The following PELI2 variants were observed in gnomAD, a reference collection of about 807,000 sequenced individuals.
PELI2 encodes pellino E3 ubiquitin protein ligase family member 2.
PELI2 carries 23 observed loss-of-function variants against 42.3 expected under a neutral mutation model. That is an observed-to-expected ratio of 0.54 (90% CI 0.39 to 0.77). PELI2 has a LOEUF of 0.77. PELI2 is among the 30% of genes least tolerant of loss of function. PELI2 has a pLI of 0.00. For missense variants in PELI2, 463 were observed against 553.2 expected (o/e 0.84, Z 1.64); for synonymous variants, 245 against 212.2 (o/e 1.15, Z -1.34).
chr14:56,134,988 A>C (rs990316933), intron 1 of PELI2, among the ~76,000 whole-genome samples: 1 of 152,218 alleles, frequency 6.6e-6, no homozygotes, highest in Non-Finnish European at 1.5e-5. Context: ...CTAAAATTCA[A>C]CTTACTGATA....
At chr14:56,175,287 T>A (rs1885331747) in intron 1 of PELI2, among the ~76,000 whole-genome samples, 1 of 152,212 alleles carries the variant, frequency 6.6e-6, no homozygotes. Flanking sequence ...TGAGCCAACG[T>A]GCCTGGCCAA....
intron 1 of PELI2, among the ~76,000 whole-genome samples, chr14:56,154,724 A>G (rs1332988011): frequency 6.7e-6 from 1 of 150,034 alleles, no homozygotes; most frequent in Non-Finnish European, 1.5e-5. Context: ...ATCTTTGTAC[A>G]TAAAACTTGA....
chr14:56,148,789 A>T (rs747303105), intron 1 of PELI2, among the ~76,000 whole-genome samples: 20 of 152,124 alleles, frequency 1.3e-4, no homozygotes, highest in African/African-American at 1.9e-4. Flanking sequence ...GGTAGCAGGG[A>T]CTTTTCTTAC....
intron 2 of PELI2, among the ~76,000 whole-genome samples, chr14:56,278,472 A>T (rs1447370169): frequency 1.3e-5 from 2 of 152,204 alleles, no homozygotes; most frequent in African/African-American, 4.8e-5. Context: ...ATTTAAGACG[A>T]TGTCTGTTAG....
chr14:56,226,054 A>G (rs1667186150), intron 2 of PELI2, among the ~76,000 whole-genome samples: 1 of 149,832 alleles, frequency 6.7e-6, no homozygotes, highest in Admixed American at 6.8e-5. Flanking sequence ...TTGCCAAAGG[A>G]AGACCCAGCA....
intron 1 of PELI2, among the ~76,000 whole-genome samples, chr14:56,160,010 TG>T (rs1884700918): frequency 6.6e-6 from 1 of 151,908 alleles, no homozygotes; most frequent in South Asian, 2.1e-4. Flanking sequence ...ACAGTTTCTT[TG>T]TTTTTTTTTT....
At chr14:56,147,454 A>G (rs1197904755) in intron 1 of PELI2, among the ~76,000 whole-genome samples, 1 of 152,214 alleles carries the variant, frequency 6.6e-6, no homozygotes, top group African/African-American at 2.4e-5. Flanking sequence ...GGGAATGAGA[A>G]GATATGAAAA....
At chr14:56,253,257 CA>C (rs751754665) in intron 2 of PELI2, among the ~76,000 whole-genome samples, 8 of 152,138 alleles carry the variant, frequency 5.3e-5, no homozygotes, top group Non-Finnish European at 1.0e-4. Flanking sequence ...CTGAATGGGC[CA>C]AAGCTGGAAG....
At chr14:56,279,593 G>A (rs908883882) in intron 2 of PELI2, 83 bp from the exon 3 acceptor site, 71 of 728,700 alleles carry the variant, frequency 9.7e-5, no homozygotes, top group Non-Finnish European at 3.0e-5. Context: ...TTTGCCAGTA[G>A]AGTGGTGGCT....
intron 2 of PELI2, among the ~76,000 whole-genome samples, chr14:56,199,542 GC>G (rs1172833529): frequency 6.6e-6 from 1 of 152,156 alleles, no homozygotes; most frequent in Non-Finnish European, 1.5e-5. Context: ...TCTACCCAGT[GC>G]TTCATGGTTC....
chr14:56,211,102 A>G lies in PELI2; in HGVS notation c.207+32638A>G, dbSNP rs3783664. Reference sequence around the variant, plus strand: ...CCCACCGGTGGTACTTTGTCTTGCTACGCTGTCAACTGAGAAGTGCCCATA... The same window carrying G: ...CCCACCGGTGGTACTTTGTCTTGCTGCGCTGTCAACTGAGAAGTGCCCATA... On this transcript the variant is annotated intron_variant, in intron 2 of 5. Transcript: ENST00000267460. Among the ~76,000 whole-genome samples, 810 of 152,244 alleles carry G rather than the reference A, an allele frequency of 5.3e-3. 35 individuals carry two copies. In the East Asian group the frequency reaches 0.11, roughly 21 times the overall value.
intron 1 of PELI2, among the ~76,000 whole-genome samples, chr14:56,173,032 C>A (rs1017822236): frequency 6.6e-5 from 10 of 152,082 alleles, no homozygotes; most frequent in Admixed American, 1.3e-4. Context: ...CTTGAGTAGC[C>A]TATATTATTC....
intron 1 of PELI2, among the ~76,000 whole-genome samples, chr14:56,142,075 A>G (rs1883933034): frequency 6.6e-6 from 1 of 152,152 alleles, no homozygotes; most frequent in Non-Finnish European, 1.5e-5. Flanking sequence ...CCCCTTGGAA[A>G]TAAGACGTCA....
At chr14:56,176,246 C>T (rs907434007) in intron 1 of PELI2, among the ~76,000 whole-genome samples, 6 of 152,156 alleles carry the variant, frequency 3.9e-5, no homozygotes, top group East Asian at 1.9e-4. Flanking sequence ...TGCACTCTTA[C>T]GAGGCTGAGG....
chr14:56,227,552 G>A (rs1036474178), intron 2 of PELI2, among the ~76,000 whole-genome samples: 13 of 152,228 alleles, frequency 8.5e-5, no homozygotes, highest in African/African-American at 2.4e-4. Flanking sequence ...ATTTCAGTAC[G>A]TGCAGACATA....
rs1462109508 is a variant in PELI2 at position 56,290,342 on chromosome 14, T to A, written c.582T>A (p.His194Gln). 1 of 1,613,376 alleles carries A rather than the reference T, an allele frequency of 6.2e-7. No homozygotes were observed. Among genetic ancestry groups the A allele is most frequent in the African/African-American group, 1.3e-5 (1 of 74,880 alleles). Residue 194 changes from histidine to glutamine, a missense_variant, in exon 5 of 6, where the codon CAT becomes CAA. Around this residue, in one of 3 missense-constraint regions of PELI2, gnomAD observed 343 missense variants for 378.4 expected, o/e 0.91. Coordinates refer to ENST00000267460, the MANE Select transcript of PELI2 (RefSeq NM_021255.3). The part of the protein sequence containing the change: ...GLTTNGVLVM[H>Q]PRGGFTEESQ... ...CTACTAATGGCGTCCTGGTGATGCA[T>A]CCACGAGGGGGCTTCACCGAGGAGT...
chr14:56,133,210 TC>T, intron 1 of PELI2, among the ~76,000 whole-genome samples: 1 of 152,354 alleles, frequency 6.6e-6, no homozygotes, highest in Middle Eastern at 3.4e-3. Flanking sequence ...CAACTGACTT[TC>T]ATTTTTAGAG....
chr14:56,295,372 C>T (rs934411348), intron 5 of PELI2, among the ~76,000 whole-genome samples: 2 of 152,100 alleles, frequency 1.3e-5, no homozygotes, highest in Non-Finnish European at 2.9e-5. Context: ...CCCTGAACTG[C>T]GTCCATCCTT....
Position 56,192,135 on chromosome 14 carries a change from G to A in PELI2, c.207+13671G>A, listed in dbSNP as rs1000010466. Among the ~76,000 whole-genome samples the A allele has an allele frequency of 2.1e-4, 32 of 152,338 alleles. 1 individual carries two copies. Among genetic ancestry groups the A allele is most frequent in the Admixed American group, 8.5e-4 (13 of 15,308 alleles). On this transcript the variant is annotated intron_variant, in intron 2 of 5. Coordinates refer to ENST00000267460, the MANE Select transcript of PELI2 (RefSeq NM_021255.3). ...CTCCCAAAGTGCTGGGATTACAGGT[G>A]TGAGCCACCGCACTTGGCCAAGATT...
Sources: gnomAD v4.1 joint callset for allele counts (sites outside exome capture counted in the v4.1 genomes callset) on GRCh38, gnomAD v4.1.1 for gene constraint, gnomAD v4.1.1 regional missense constraint, MANE v1.5 for transcripts, NCBI Gene and HGNC (gene_info 2026-07-23, HGNC 2026-07-21) for gene names.